Variants in TBC1D1 observed in about 807,000 individuals in gnomAD.
TBC1D1 encodes TBC1 (tre-2/USP6, BUB2, cdc16) domain family, member 1.
Under a neutral mutation model 125.6 loss-of-function variants are expected in TBC1D1, and 89 were observed. The observed-to-expected ratio is 0.71, with a 90% CI of 0.60 to 0.85. The LOEUF (loss-of-function observed/expected upper bound fraction) is 0.85. Ranked by LOEUF, TBC1D1 falls within the 40% of genes least tolerant of loss-of-function variation. The pLI, the probability that TBC1D1 is intolerant of heterozygous loss-of-function variation, is 0.00. For synonymous variants in TBC1D1, 565 were observed against 564.1 expected (o/e 1.00, Z -0.02); for missense variants, 1,377 against 1,469.2 (o/e 0.94, Z 1.03).
chr4:38,057,009 A>G (rs1751841077), intron 12 of TBC1D1, among the ~76,000 whole-genome samples: 1 of 152,148 alleles, frequency 6.6e-6, no homozygotes, highest in Non-Finnish European at 1.5e-5. Context: ...AAAGTACCAA[A>G]CAGAACAGGG....
chr4:38,136,187 G>A (rs918164643), intron 19 of TBC1D1, among the ~76,000 whole-genome samples: 1 of 152,128 alleles, frequency 6.6e-6, no homozygotes, highest in African/African-American at 2.4e-5. Context: ...AAGCAAGCCT[G>A]CCAGAGCAAA....
chr4:37,975,329 A>G (rs929237966), intron 2 of TBC1D1, among the ~76,000 whole-genome samples: 1 of 152,222 alleles, frequency 6.6e-6, no homozygotes, highest in African/African-American at 2.4e-5. Context: ...TGCTACTACT[A>G]TCTAAAAGGC....
chr4:37,999,187 A>G lies in TBC1D1; in HGVS notation c.418-15322A>G, dbSNP rs561153266. Among the ~76,000 whole-genome samples, 5 of 152,292 alleles carry G rather than the reference A, an allele frequency of 3.3e-5. No individual in the cohort carries two copies. In the East Asian group the frequency reaches 9.7e-4, roughly 29 times the overall value. ...TCGCTTGAACCCGGAGGCAGACGTT[A>G]GTTACAGTGAGCTGAGATCAAGCCA... is the stretch of plus-strand genomic sequence containing the variant. On this transcript the variant is annotated intron_variant, in intron 2 of 19. Transcript: ENST00000261439.
chr4:38,112,454 C>A (rs889285758), intron 15 of TBC1D1, among the ~76,000 whole-genome samples: 1 of 152,000 alleles, frequency 6.6e-6, no homozygotes, highest in Non-Finnish European at 1.5e-5. Flanking sequence ...GTGGTCTATC[C>A]GAAGATTATT....
At chr4:37,954,200 C>T (rs1407459273) in intron 2 of TBC1D1, among the ~76,000 whole-genome samples, 1 of 152,170 alleles carries the variant, frequency 6.6e-6, no homozygotes, top group African/African-American at 2.4e-5. Context: ...TGGCTCCTCG[C>T]ACCAGTGCAT....
chr4:38,073,249 C>T (rs182982020), intron 12 of TBC1D1, among the ~76,000 whole-genome samples: 313 of 152,288 alleles, frequency 2.1e-3, no homozygotes, highest in Non-Finnish European at 3.9e-3. Context: ...CCCAAGGGCT[C>T]CAGTTCCTCT....
chr4:37,948,948 A>G (rs913534861), intron 2 of TBC1D1, among the ~76,000 whole-genome samples: 7 of 152,240 alleles, frequency 4.6e-5, no homozygotes, highest in Admixed American at 2.0e-4. Flanking sequence ...ATATATCAGT[A>G]ACTCATTTCC....
At chr4:37,936,680 A>G (rs2152297808) in intron 2 of TBC1D1, among the ~76,000 whole-genome samples, 2 of 152,316 alleles carry the variant, frequency 1.3e-5, no homozygotes, top group Admixed American at 1.3e-4. Flanking sequence ...GGATAATATA[A>G]GTTGCAAAGT....
At chr4:38,126,281 C>A (rs1466966572) in intron 18 of TBC1D1, among the ~76,000 whole-genome samples, 3 of 152,140 alleles carry the variant, frequency 2.0e-5, no homozygotes, top group Non-Finnish European at 4.4e-5. Context: ...CGCCATTGAC[C>A]AAAATGTTGT....
intron 2 of TBC1D1, chr4:37,960,420 C>T (rs1729745933): frequency 4.4e-6 from 7 of 1,598,768 alleles, no homozygotes; most frequent in East Asian, 2.2e-5. Context: ...CTGTTGAGAG[C>T]GGCAATAATC....
intron 2 of TBC1D1, among the ~76,000 whole-genome samples, chr4:37,986,885 A>G (rs1242813904): frequency 6.6e-6 from 1 of 152,180 alleles, no homozygotes; most frequent in Non-Finnish European, 1.5e-5. Context: ...GCAGCCTGGT[A>G]GGACCAACCA....
At chr4:38,136,253 A>C (rs1766589606) in intron 19 of TBC1D1, among the ~76,000 whole-genome samples, 1 of 152,234 alleles carries the variant, frequency 6.6e-6, no homozygotes, top group Non-Finnish European at 1.5e-5. Flanking sequence ...CTATTTAACT[A>C]GCATTAATTA....
chr4:37,994,399 C>A (rs146746363), intron 2 of TBC1D1, among the ~76,000 whole-genome samples: 194 of 152,266 alleles, frequency 1.3e-3, no homozygotes, highest in Non-Finnish European at 2.4e-3. Flanking sequence ...AAGTGATTCC[C>A]CTGCCTCAGC....
At chr4:37,918,843 T>C (rs1720296054) in intron 2 of TBC1D1, among the ~76,000 whole-genome samples, 1 of 152,242 alleles carries the variant, frequency 6.6e-6, no homozygotes. Flanking sequence ...ATAAATGATG[T>C]ATTATGTGTA....
At chr4:37,900,103 A>G (rs1308020798) in intron 1 of TBC1D1, among the ~76,000 whole-genome samples, 3 of 150,822 alleles carry the variant, frequency 2.0e-5, no homozygotes, top group African/African-American at 4.9e-5. Context: ...CCTGGGCGAC[A>G]GAGCGAGGAG....
At chr4:37,955,932 T>C (rs1728843571) in intron 2 of TBC1D1, among the ~76,000 whole-genome samples, 1 of 152,038 alleles carries the variant, frequency 6.6e-6, no homozygotes, top group African/African-American at 2.4e-5. Context: ...AGTCTAGGAG[T>C]TTGAGACCAG....
At chr4:38,052,497 A>G (rs1750803048) in intron 11 of TBC1D1, among the ~76,000 whole-genome samples, 1 of 151,266 alleles carries the variant, frequency 6.6e-6, no homozygotes. Flanking sequence ...ATGCCCGGCT[A>G]ATATTTTTAT....
At chr4:38,075,886 C>T (rs773283138) in intron 12 of TBC1D1, among the ~76,000 whole-genome samples, 3 of 152,192 alleles carry the variant, frequency 2.0e-5, no homozygotes, top group Non-Finnish European at 4.4e-5. Flanking sequence ...ACCTTTCCTC[C>T]TCCTTTCTCT....
chr4:38,067,888 G>A (rs1254580252), intron 12 of TBC1D1, among the ~76,000 whole-genome samples: 8 of 152,104 alleles, frequency 5.3e-5, no homozygotes, highest in South Asian at 2.1e-4. Context: ...CTGTCCTGCC[G>A]TTTTCACATT....
Sources: allele counts gnomAD v4.1 joint callset (sites outside exome capture counted in the v4.1 genomes callset), GRCh38; gene constraint gnomAD v4.1.1; transcripts MANE v1.5; gene names NCBI Gene and HGNC (gene_info 2026-07-23, HGNC 2026-07-21).